AFF2: variants seen among roughly 807,000 people sequenced by gnomAD.
AFF2 encodes ALF transcription elongation factor 2, also known as AF4/FMR2 family member 2.
Under a neutral mutation model 76.9 loss-of-function variants are expected in AFF2, and 14 were observed. The ratio of observed to expected loss-of-function variants is 0.18; its 90% CI spans 0.12 to 0.28. AFF2 has a LOEUF of 0.28. Among genes scored for constraint, AFF2 ranks in the 10% least tolerant of loss-of-function variants. The pLI, the probability that AFF2 is intolerant of heterozygous loss-of-function variation, is 1.00. For synonymous variants in AFF2, 398 were observed against 366.7 expected, an observed-to-expected ratio of 1.09 and a Z score of -0.98; for missense variants, 868 against 1,001.1, an observed-to-expected ratio of 0.87 and a Z score of 1.79.
chrX:148,868,757 C>A (rs782551977), intron 7 of AFF2, among the ~76,000 whole-genome samples: 1 of 112,466 alleles, frequency 8.9e-6, no homozygotes, highest in Non-Finnish European at 1.9e-5. Flanking sequence ...CTGGTGAGCA[C>A]GTGTTATCTG....
intron 4 of AFF2, among the ~76,000 whole-genome samples, chrX:148,812,533 A>G (rs782415519): frequency 5.9e-4 from 65 of 111,083 alleles, no homozygotes; most frequent in Non-Finnish European, 1.0e-3. Context: ...CCCACCTCCA[A>G]TGAAGGAATA....
At chrX:148,707,019 C>T (rs1405468033) in intron 3 of AFF2, among the ~76,000 whole-genome samples, 1 of 111,759 alleles carries the variant, frequency 8.9e-6, no homozygotes, top group Non-Finnish European at 1.9e-5. Flanking sequence ...ATAGTAATGG[C>T]TTTGGACCCA....
intron 1 of AFF2, among the ~76,000 whole-genome samples, chrX:148,586,385 T>A (rs2053470084): frequency 8.9e-6 from 1 of 112,127 alleles, no homozygotes; most frequent in South Asian, 3.7e-4. Flanking sequence ...TTAGAATTTG[T>A]AGAGATTAAT....
chrX:148,680,037 G>A lies in AFF2; in HGVS notation c.1041+17269G>A, dbSNP rs1557259803. Among the ~76,000 whole-genome samples the A allele has an allele frequency of 3.6e-5, 4 of 112,017 alleles. No homozygotes were observed. The East Asian group carries it at 1.1e-3, about 31-fold the overall frequency. ...AAATCAATGTTTCAAAAGGTGGAAGGGATAAATCTAGCCTGTCCTCAGCCA... is the reference window on the plus strand; with the variant it reads ...AAATCAATGTTTCAAAAGGTGGAAGAGATAAATCTAGCCTGTCCTCAGCCA... On this transcript the variant is annotated intron_variant, in intron 3 of 20. Coordinates refer to ENST00000370460, the MANE Select transcript of AFF2 (RefSeq NM_002025.4).
intron 5 of AFF2, among the ~76,000 whole-genome samples, chrX:148,842,325 A>G (rs1418619928): frequency 8.9e-6 from 1 of 112,849 alleles, no homozygotes; most frequent in East Asian, 2.8e-4. Context: ...TGAATTGTGT[A>G]TAGTGTGACT....
At chrX:148,925,221 G>A (rs1557283641) in intron 9 of AFF2, among the ~76,000 whole-genome samples, 1 of 111,856 alleles carries the variant, frequency 8.9e-6, no homozygotes, top group Non-Finnish European at 1.9e-5. Flanking sequence ...AATATTCAGC[G>A]GTGTTATCCC....
At chrX:148,820,540 T>C (rs1475047843) in intron 4 of AFF2, among the ~76,000 whole-genome samples, 1 of 111,559 alleles carries the variant, frequency 9.0e-6, no homozygotes, top group African/African-American at 3.3e-5. Flanking sequence ...TGAGGAAAAA[T>C]TATGAGATAA....
At chrX:148,965,243 G>A (rs1179191016) in intron 13 of AFF2, among the ~76,000 whole-genome samples, 6 of 112,204 alleles carry the variant, frequency 5.3e-5, no homozygotes, top group African/African-American at 1.6e-4. Flanking sequence ...GGCTTTGAGG[G>A]AGAAAGGGAC....
intron 12 of AFF2, among the ~76,000 whole-genome samples, chrX:148,959,395 C>T (rs903603829): frequency 1.8e-5 from 2 of 112,448 alleles, no homozygotes; most frequent in Non-Finnish European, 3.8e-5. Flanking sequence ...CAGCCCAGAG[C>T]AGAGAGGCAA....
intron 1 of AFF2, among the ~76,000 whole-genome samples, chrX:148,612,043 G>C (rs1295078752): frequency 4.5e-5 from 5 of 111,509 alleles, no homozygotes; most frequent in Non-Finnish European, 9.4e-5. Context: ...TATTAATCAG[G>C]CACTTCATGC....
At chrX:148,596,883 A>T (rs1223638365) in intron 1 of AFF2, among the ~76,000 whole-genome samples, 1 of 111,961 alleles carries the variant, frequency 8.9e-6, no homozygotes, top group Non-Finnish European at 1.9e-5. Flanking sequence ...AGGGGATGTG[A>T]TATATCTTTT....
intron 3 of AFF2, among the ~76,000 whole-genome samples, chrX:148,780,508 CTCTGATA>C (rs1317826344): frequency 1.8e-5 from 2 of 111,853 alleles, no homozygotes; most frequent in African/African-American, 6.5e-5. Flanking sequence ...GATCTTCAGT[CTCTGATA>C]TCTTTTCTTC....
intron 12 of AFF2, among the ~76,000 whole-genome samples, chrX:148,959,135 G>A (rs1161717146): frequency 1.8e-5 from 2 of 111,196 alleles, no homozygotes; most frequent in Non-Finnish European, 3.8e-5. Flanking sequence ...TTCTCTCTGT[G>A]TGTGGAAGGT....
intron 9 of AFF2, among the ~76,000 whole-genome samples, chrX:148,942,743 G>A (rs1279752569): frequency 9.2e-6 from 1 of 108,613 alleles, no homozygotes; most frequent in Admixed American, 9.8e-5. Flanking sequence ...TTGAACCCAG[G>A]AGGCGGACGT....
At chrX:148,727,193 A>AT (rs1401242267) in intron 3 of AFF2, among the ~76,000 whole-genome samples, 23 of 109,502 alleles carry the variant, frequency 2.1e-4, no homozygotes, top group East Asian at 5.7e-4. Context: ...AGATGGACAA[A>AT]TTTTTTTTTT....
intron 8 of AFF2, among the ~76,000 whole-genome samples, chrX:148,902,756 C>T (rs1557281024): frequency 8.9e-6 from 1 of 111,802 alleles, no homozygotes; most frequent in East Asian, 2.8e-4. Context: ...TACCTCATTC[C>T]TTAGCTTTTT....
intron 1 of AFF2, among the ~76,000 whole-genome samples, chrX:148,590,684 G>A (rs369435695): frequency 4.5e-5 from 5 of 112,047 alleles, no homozygotes; most frequent in East Asian, 5.6e-4. Context: ...CAAGAATCAT[G>A]AGGATAAGAT....
intron 3 of AFF2, among the ~76,000 whole-genome samples, chrX:148,793,045 C>T (rs1466904462): frequency 1.8e-5 from 2 of 111,761 alleles, no homozygotes; most frequent in Non-Finnish European, 3.8e-5. Flanking sequence ...ATTCATCCAA[C>T]TTTCTCTTCT....
intron 1 of AFF2, among the ~76,000 whole-genome samples, chrX:148,506,609 C>A (rs1479534512): frequency 9.0e-6 from 1 of 110,638 alleles, no homozygotes; most frequent in Non-Finnish European, 1.9e-5. Flanking sequence ...GGAGACAAAT[C>A]TCAAGTCCTT....
Sources: gnomAD v4.1 joint callset for allele counts (sites outside exome capture counted in the v4.1 genomes callset) on GRCh38, gnomAD v4.1.1 for gene constraint, MANE v1.5 for transcripts, NCBI Gene and HGNC (gene_info 2026-07-23, HGNC 2026-07-21) for gene names.